EPHA6: variants seen among roughly 807,000 people sequenced by gnomAD.
EPHA6 encodes EPH receptor A6, also known as ephrin type-A receptor 6.
In EPHA6, 50 loss-of-function variants were observed where a neutral mutation model predicts 112.0. That is an observed-to-expected ratio of 0.45 (90% CI 0.36 to 0.56). The LOEUF is 0.56. Ranked by LOEUF, EPHA6 falls within the 20% of genes least tolerant of loss-of-function variation. EPHA6 has a pLI of 0.00. For missense variants in EPHA6, 1,280 were observed against 1,417.4 expected (o/e 0.90, Z 1.56); for synonymous variants, 529 against 490.7 (o/e 1.08, Z -1.03).
rs542782683 is a variant in EPHA6, at chr3:97,008,124, A to G, written c.1114+20131A>G. On this transcript the variant is annotated intron_variant, in intron 3 of 17. Coordinates refer to ENST00000389672, the MANE Select transcript of EPHA6 (RefSeq NM_001080448.3). ...GTGGAGTATCTTAATGGTGTTCTCT[A>G]TACTTTCTGAATTTGCATGTTGGTC... 4.6e-5 allele frequency among the ~76,000 whole-genome samples: 7 copies of G among 152,144 alleles called. No homozygotes were observed. The East Asian group carries it at 1.2e-3, about 25-fold the overall frequency.
chr3:97,225,915 C>T lies in EPHA6; in HGVS notation c.1115-349C>T, dbSNP rs142969157. ...TGTTATTTAATGCCTTCTCTGAGAA[C>T]GACACAAAATCATTTTCCTTACTGC... On this transcript the variant is annotated intron_variant, in intron 3 of 17. Coordinates refer to ENST00000389672, the MANE Select transcript of EPHA6 (RefSeq NM_001080448.3). 3.4e-3 allele frequency among the ~76,000 whole-genome samples: 516 copies of T among 152,260 alleles called. 1 individual carries two copies. The highest frequency in any genetic ancestry group is 0.011 in the African/African-American group (474 of 41,554).
rs184067689 is a variant in EPHA6, at chr3:96,983,237, G to T, written c.451-4093G>T. On this transcript the variant is annotated intron_variant, in intron 2 of 17. Coordinates refer to ENST00000389672, the MANE Select transcript of EPHA6 (RefSeq NM_001080448.3). Reference sequence around the variant, plus strand: ...AGTGCTTCCTTCAGGAGCTCTTGTAGGGCAGGCCTGCTGGTGACAAAAACT... The same window carrying T: ...AGTGCTTCCTTCAGGAGCTCTTGTATGGCAGGCCTGCTGGTGACAAAAACT... Among the ~76,000 whole-genome samples the T allele has an allele frequency of 5.2e-3, 786 of 152,202 alleles. 10 individuals are homozygous for T. The highest frequency in any genetic ancestry group is 0.017 in the African/African-American group (721 of 41,508).
chr3:97,678,466 G>C (rs1469985629), intron 14 of EPHA6, among the ~76,000 whole-genome samples: 1 of 152,110 alleles, frequency 6.6e-6, no homozygotes, highest in Non-Finnish European at 1.5e-5. Context: ...GAATGACAGA[G>C]CAGGGATAAA....
At chr3:96,860,345 T>A (rs1576166546) in intron 1 of EPHA6, among the ~76,000 whole-genome samples, 1 of 152,222 alleles carries the variant, frequency 6.6e-6, no homozygotes, top group East Asian at 1.9e-4. Context: ...CTTTCCAATA[T>A]AAAGCCACTG....
intron 2 of EPHA6, among the ~76,000 whole-genome samples, chr3:96,937,990 A>G (rs899981154): frequency 1.4e-4 from 21 of 152,298 alleles, no homozygotes; most frequent in Non-Finnish European, 3.1e-4. Context: ...TAGCAGTACC[A>G]TGCTGTTTTG....
At chr3:97,158,068 A>C (rs1453891686) in intron 3 of EPHA6, among the ~76,000 whole-genome samples, 1 of 152,192 alleles carries the variant, frequency 6.6e-6, no homozygotes, top group Non-Finnish European at 1.5e-5. Context: ...AACATGTTAC[A>C]GTTATCCTGT....
chr3:96,852,382 T>C (rs2035445928), intron 1 of EPHA6, among the ~76,000 whole-genome samples: 1 of 151,922 alleles, frequency 6.6e-6, no homozygotes, highest in Middle Eastern at 3.2e-3. Flanking sequence ...TGAGCTGAGA[T>C]GGCACCATTG....
chr3:96,906,417 C>G (rs1575993427), intron 2 of EPHA6, among the ~76,000 whole-genome samples: 2 of 152,114 alleles, frequency 1.3e-5, no homozygotes, highest in South Asian at 4.1e-4. Flanking sequence ...GAACCCTATT[C>G]TTCATGCTCT....
rs574078539 is a variant in EPHA6 at position 97,757,160 on chromosome 3, AGTTT to A, written c.*8464_*8467del. ...TAAAAGGTAATACAGTACAAAGAGG[AGTTT>A]GTTTTAAAATTGTTACTTACCTCAT... On this transcript the variant is annotated 3_prime_UTR_variant, in exon 18 of 18. Coordinates refer to ENST00000389672, the MANE Select transcript of EPHA6 (RefSeq NM_001080448.3). Among the ~76,000 whole-genome samples, 374 of 151,990 alleles carry A rather than the reference AGTTT, an allele frequency of 2.5e-3. 1 individual carries two copies. Among genetic ancestry groups the A allele is most frequent in the African/African-American group, 8.7e-3 (363 of 41,572 alleles).
chr3:97,549,559 G>A (rs933925294), intron 11 of EPHA6, among the ~76,000 whole-genome samples: 2 of 152,088 alleles, frequency 1.3e-5, no homozygotes, highest in African/African-American at 2.4e-5. Context: ...AAGAAACCTC[G>A]AATGACTCTG....
At chr3:97,183,521 A>G (rs796494098) in intron 3 of EPHA6, among the ~76,000 whole-genome samples, 11 of 152,176 alleles carry the variant, frequency 7.2e-5, no homozygotes, top group South Asian at 4.1e-4. Flanking sequence ...AAAGTAAAGG[A>G]ACATCTCATA....
chr3:97,333,141 A>G (rs1232634334), intron 5 of EPHA6, among the ~76,000 whole-genome samples: 1 of 151,990 alleles, frequency 6.6e-6, no homozygotes, highest in Non-Finnish European at 1.5e-5. Context: ...GATTTCTATT[A>G]TCAACATTTT....
At chr3:97,474,630 A>C (rs1364080772) in intron 7 of EPHA6, among the ~76,000 whole-genome samples, 1 of 152,008 alleles carries the variant, frequency 6.6e-6, no homozygotes, top group East Asian at 1.9e-4. Flanking sequence ...AGTGCTAATA[A>C]ATTAATTTAA....
At chr3:97,402,107 A>G (rs996061866) in intron 5 of EPHA6, among the ~76,000 whole-genome samples, 6 of 152,064 alleles carry the variant, frequency 3.9e-5, no homozygotes, top group Non-Finnish European at 4.4e-5. Context: ...TTCCATGTGT[A>G]TGAGAAGAAT....
At chr3:97,098,649 A>G (rs1183102903) in intron 3 of EPHA6, among the ~76,000 whole-genome samples, 1 of 151,932 alleles carries the variant, frequency 6.6e-6, no homozygotes, top group Non-Finnish European at 1.5e-5. Flanking sequence ...GACTTTTTCA[A>G]AAACCCTTAT....
At chr3:96,829,056 T>TG (rs1326574431) in intron 1 of EPHA6, among the ~76,000 whole-genome samples, 1 of 152,150 alleles carries the variant, frequency 6.6e-6, no homozygotes, top group Non-Finnish European at 1.5e-5. Flanking sequence ...TTTTGGAGGT[T>TG]GGAAGCTGTC....
intron 3 of EPHA6, among the ~76,000 whole-genome samples, chr3:97,032,457 A>T (rs1373657279): frequency 6.6e-6 from 1 of 152,028 alleles, no homozygotes; most frequent in Non-Finnish European, 1.5e-5. Context: ...ATAATAAAAT[A>T]AAAAGAATAA....
At position 97,244,173 on chromosome 3, in the gene EPHA6, G is replaced by A; in HGVS notation, c.1492G>A (p.Asp498Asn). 1 of 1,613,152 alleles carries A rather than the reference G, an allele frequency of 6.2e-7. No homozygotes were observed. The change falls in exon 5 of 18, where the codon GAC becomes AAC. Residue 498 changes from aspartate to asparagine, a missense_variant. By Grantham distance (23) the Asp-to-Asn change is conservative. This residue lies in a region of EPHA6 where 878 missense variants were observed against 999.7 expected (regional missense o/e 0.88). Coordinates refer to ENST00000389672, the MANE Select transcript of EPHA6 (RefSeq NM_001080448.3). ...GATCAACAATTCCGTGATAGTACTT[G>A]ACTTTGTGTCTCACGTGAATTACAC... is the stretch of plus-strand genomic sequence containing the variant. ...GLINNSVIVL[D>N]FVSHVNYTFE...
intron 5 of EPHA6, among the ~76,000 whole-genome samples, chr3:97,362,153 A>G (rs970283162): frequency 3.3e-5 from 5 of 152,146 alleles, no homozygotes; most frequent in Non-Finnish European, 5.9e-5. Context: ...AAATACTTCA[A>G]TGTGGAATGA....
Sources: gnomAD v4.1 joint callset for allele counts (sites outside exome capture counted in the v4.1 genomes callset) on GRCh38, gnomAD v4.1.1 for gene constraint, gnomAD v4.1.1 regional missense constraint, MANE v1.5 for transcripts, NCBI Gene and HGNC (gene_info 2026-07-23, HGNC 2026-07-21) for gene names.